AKAP19: variants seen among roughly 807,000 people sequenced by gnomAD.
The protein encoded by AKAP19 is A-kinase anchoring protein 19.
At chr2:190,200,844 A>T in the AKAP19 span, 1 of 167,236 alleles carries the variant, frequency 6.0e-6, no homozygotes. Context: ...AAGCCCAGTG[A>T]TATAACTATA....
At chr2:190,057,408 C>T in the AKAP19 span, 1 of 1,613,530 alleles carries the variant, frequency 6.2e-7, no homozygotes, top group Admixed American at 1.7e-5. Context: ...CTTGGTGTAC[C>T]AGATGAGTAT....
At chr2:189,900,434 A>G in the AKAP19 span, among the ~76,000 whole-genome samples, 1 of 152,256 alleles carries the variant, frequency 6.6e-6, no homozygotes, top group East Asian at 1.9e-4. Flanking sequence ...ATTTTCTTGC[A>G]CCTTTGCCAA....
At chr2:189,973,347 G>T in the AKAP19 span, among the ~76,000 whole-genome samples, 1 of 152,134 alleles carries the variant, frequency 6.6e-6, no homozygotes, top group South Asian at 2.1e-4. Flanking sequence ...CTTGATCATG[G>T]TGGATAAACT....
At chr2:190,164,394 T>C in the AKAP19 span, among the ~76,000 whole-genome samples, 1 of 151,972 alleles carries the variant, frequency 6.6e-6, no homozygotes, top group Non-Finnish European at 1.5e-5. Context: ...AAATTAGGCA[T>C]GCGTGGTGGC....
chr2:189,969,404 A>G, the AKAP19 span, among the ~76,000 whole-genome samples: 1 of 152,262 alleles, frequency 6.6e-6, no homozygotes, highest in Admixed American at 6.5e-5. Flanking sequence ...TTTGTGAACT[A>G]TCTGGTTTAT....
chr2:190,101,016 G>C, the AKAP19 span, among the ~76,000 whole-genome samples: 2 of 152,314 alleles, frequency 1.3e-5, no homozygotes, highest in South Asian at 2.1e-4. Context: ...TTGGGGAGAG[G>C]CTTGGAGATG....
chr2:190,011,945 T>C, the AKAP19 span, among the ~76,000 whole-genome samples: 117 of 152,128 alleles, frequency 7.7e-4, no homozygotes, highest in African/African-American at 2.7e-3. Flanking sequence ...AATTTTAGCA[T>C]TGTTTTTCCT....
chr2:190,160,640 T>A, the AKAP19 span, among the ~76,000 whole-genome samples: 1 of 152,152 alleles, frequency 6.6e-6, no homozygotes, highest in Non-Finnish European at 1.5e-5. Flanking sequence ...CCTACACTGA[T>A]TCAGGAAAGT....
chr2:190,195,315 C>T, the AKAP19 span, among the ~76,000 whole-genome samples: 7 of 152,148 alleles, frequency 4.6e-5, no homozygotes, highest in Non-Finnish European at 8.8e-5. Flanking sequence ...TGGATTTAAG[C>T]GTTCAACTTA....
At chr2:190,049,101 A>G in the AKAP19 span, among the ~76,000 whole-genome samples, 4 of 152,262 alleles carry the variant, frequency 2.6e-5, no homozygotes, top group African/African-American at 9.6e-5. Flanking sequence ...TTAAAAACGC[A>G]AGAAATCATA....
At chr2:190,054,322 C>T in the AKAP19 span, among the ~76,000 whole-genome samples, 11 of 152,002 alleles carry the variant, frequency 7.2e-5, no homozygotes, top group Admixed American at 7.2e-4. Context: ...TTCCTTACAC[C>T]TTATACAAAA....
the AKAP19 span, among the ~76,000 whole-genome samples, chr2:190,170,517 T>C: frequency 6.6e-6 from 1 of 152,234 alleles, no homozygotes; most frequent in Non-Finnish European, 1.5e-5. Context: ...TTTTTACTGT[T>C]GGGGATTCAA....
chr2:189,929,742 A>G, the AKAP19 span, among the ~76,000 whole-genome samples: 206 of 152,324 alleles, frequency 1.4e-3, 1 homozygote, highest in African/African-American at 4.5e-3. Flanking sequence ...GACCTAAGGC[A>G]ATGAATTCCA....
At chr2:190,191,098 T>C in the AKAP19 span, among the ~76,000 whole-genome samples, 1 of 152,172 alleles carries the variant, frequency 6.6e-6, no homozygotes, top group African/African-American at 2.4e-5. Context: ...GTTGTCAACT[T>C]TTGGCAATTA....
the AKAP19 span, among the ~76,000 whole-genome samples, chr2:189,987,030 A>G: frequency 1.3e-5 from 2 of 152,214 alleles, no homozygotes; most frequent in Non-Finnish European, 2.9e-5. Context: ...TTACTGGCAT[A>G]TAAAGGAACA....
chr2:189,941,716 G>GA, the AKAP19 span, among the ~76,000 whole-genome samples: 2 of 151,996 alleles, frequency 1.3e-5, no homozygotes, highest in East Asian at 3.9e-4. Flanking sequence ...CTAACAGAAG[G>GA]AAAAATCACT....
chr2:190,023,345 A>G, the AKAP19 span, among the ~76,000 whole-genome samples: 1 of 152,150 alleles, frequency 6.6e-6, no homozygotes, highest in African/African-American at 2.4e-5. Context: ...GAAGCATAGT[A>G]CATCTTTTCC....
the AKAP19 span, among the ~76,000 whole-genome samples, chr2:190,010,159 A>G: frequency 2.0e-5 from 3 of 152,200 alleles, no homozygotes; most frequent in African/African-American, 7.2e-5. Context: ...GTATTTCTGG[A>G]TCTATATTCT....
chr2:190,040,528 C>A, the AKAP19 span, among the ~76,000 whole-genome samples: 1 of 152,112 alleles, frequency 6.6e-6, no homozygotes, highest in Non-Finnish European at 1.5e-5. Context: ...TTAATTAGAT[C>A]CCACTTGTCA....
Sources: allele counts gnomAD v4.1 joint callset (sites outside exome capture counted in the v4.1 genomes callset), GRCh38; gene constraint gnomAD v4.1.1; transcripts MANE v1.5; gene names NCBI Gene and HGNC (gene_info 2026-07-23, HGNC 2026-07-21).